KLF8: variants seen among roughly 807,000 people sequenced by gnomAD.
KLF8 encodes Krueppel-like factor 8.
A neutral mutation model predicts 18.2 loss-of-function variants in KLF8; 10 were observed. The ratio of observed to expected loss-of-function variants is 0.55; its 90% CI spans 0.34 to 0.93. The LOEUF is 0.93. Among genes scored for constraint, KLF8 ranks in the 40% least tolerant of loss-of-function variants. KLF8 has a pLI of 0.02. For missense variants in KLF8, 264 were observed against 277.9 expected (o/e 0.95, Z 0.36); for synonymous variants, 109 against 97.3 (o/e 1.12, Z -0.71).
At chrX:55,935,911 G>A in the KLF8 span, among the ~76,000 whole-genome samples, 1 of 111,722 alleles carries the variant, frequency 9.0e-6, no homozygotes, top group Non-Finnish European at 1.9e-5. Flanking sequence ...AGGATGGAGA[G>A]GAATGGGATC....
chrX:56,266,530 C>A, intron 3 of KLF8: 1 of 748,107 alleles, frequency 1.3e-6, no homozygotes, highest in Non-Finnish European at 1.6e-6. Flanking sequence ...GAAAATTTGT[C>A]CAAGAGAGAA....
At chrX:55,944,653 G>A in the KLF8 span, among the ~76,000 whole-genome samples, 5 of 111,278 alleles carry the variant, frequency 4.5e-5, no homozygotes, top group East Asian at 2.8e-4. Flanking sequence ...GGTAGTTTGT[G>A]TTTCTGTGGG....
At chrX:56,061,923 G>A in the KLF8 span, among the ~76,000 whole-genome samples, 2 of 104,405 alleles carry the variant, frequency 1.9e-5, no homozygotes, top group South Asian at 8.3e-4. Context: ...TAATGTTCTT[G>A]GCCTTTTTTG....
the KLF8 span, among the ~76,000 whole-genome samples, chrX:55,944,788 T>G: frequency 7.2e-5 from 8 of 111,304 alleles, no homozygotes; most frequent in African/African-American, 2.0e-4. Flanking sequence ...CCAGCTCCTG[T>G]ATTCATTAAT....
At chrX:55,958,254 A>G in the KLF8 span, among the ~76,000 whole-genome samples, 1 of 112,108 alleles carries the variant, frequency 8.9e-6, no homozygotes, top group Non-Finnish European at 1.9e-5. Context: ...ATTTAAAAGC[A>G]TATTTCATTT....
intron 2 of KLF8, among the ~76,000 whole-genome samples, chrX:56,254,845 TA>T (rs1322196832): frequency 1.8e-5 from 2 of 111,054 alleles, no homozygotes; most frequent in Non-Finnish European, 3.8e-5. Flanking sequence ...GGGCACAGGA[TA>T]GGGGGCAGGG....
At chrX:55,964,627 C>T in the KLF8 span, among the ~76,000 whole-genome samples, 1 of 110,877 alleles carries the variant, frequency 9.0e-6, no homozygotes, top group Non-Finnish European at 1.9e-5. Context: ...AAGTTGGTTT[C>T]TTGAAAGAAT....
the KLF8 span, among the ~76,000 whole-genome samples, chrX:55,994,076 A>G: frequency 9.2e-6 from 1 of 109,204 alleles, no homozygotes; most frequent in Non-Finnish European, 1.9e-5. Context: ...ATGTCCGGCG[A>G]ATTTTTTGTA....
At chrX:56,229,207 G>A (rs1024325153), upstream of KLF8, among the ~76,000 whole-genome samples, 1 of 111,312 alleles carries the variant, frequency 9.0e-6, no homozygotes, top group Non-Finnish European at 1.9e-5. Context: ...GAGGAGAAGC[G>A]GGATGATGAA....
chrX:56,150,908 T>G, the KLF8 span, among the ~76,000 whole-genome samples: 1 of 111,490 alleles, frequency 9.0e-6, no homozygotes, highest in Non-Finnish European at 1.9e-5. Context: ...AAGAAAAATA[T>G]GTTGTTATAA....
chrX:56,020,716 T>C, the KLF8 span, among the ~76,000 whole-genome samples: 2 of 111,690 alleles, frequency 1.8e-5, no homozygotes, highest in African/African-American at 3.3e-5. Context: ...TGTAAATACA[T>C]ATATGCAATA....
chrX:56,136,592 C>G, the KLF8 span, among the ~76,000 whole-genome samples: 10 of 111,419 alleles, frequency 9.0e-5, no homozygotes, highest in African/African-American at 3.3e-4. Flanking sequence ...ACACCTTATA[C>G]AAAAATCAAT....
At chrX:55,966,229 A>G in the KLF8 span, among the ~76,000 whole-genome samples, 7 of 112,692 alleles carry the variant, frequency 6.2e-5, no homozygotes, top group South Asian at 3.6e-4. Context: ...TGGCTTCACC[A>G]TCTGCTAATT....
intron 5 of KLF8, among the ~76,000 whole-genome samples, chrX:56,283,341 A>G (rs1432543885): frequency 9.0e-6 from 1 of 111,492 alleles, no homozygotes; most frequent in Non-Finnish European, 1.9e-5. Context: ...TGAATCACAC[A>G]TTCATCCTGT....
the KLF8 span, among the ~76,000 whole-genome samples, chrX:56,001,844 A>G: frequency 8.9e-6 from 1 of 112,070 alleles, no homozygotes; most frequent in African/African-American, 3.2e-5. Context: ...TGGTTTCTTT[A>G]CTAACCTCCT....
At chrX:55,964,794 A>G in the KLF8 span, among the ~76,000 whole-genome samples, 1 of 111,836 alleles carries the variant, frequency 8.9e-6, no homozygotes, top group South Asian at 3.8e-4. Context: ...TACACAAATT[A>G]GAAAACCTAG....
chrX:56,157,957 T>A, the KLF8 span, among the ~76,000 whole-genome samples: 1 of 112,141 alleles, frequency 8.9e-6, no homozygotes, highest in Non-Finnish European at 1.9e-5. Context: ...AGACATGAAG[T>A]CCTTCCCATG....
At chrX:55,964,094 C>A in the KLF8 span, among the ~76,000 whole-genome samples, 1 of 111,219 alleles carries the variant, frequency 9.0e-6, no homozygotes, top group African/African-American at 3.3e-5. Flanking sequence ...ATACAACATA[C>A]CATAATTTCT....
chrX:56,184,324 G>T, the KLF8 span, among the ~76,000 whole-genome samples: 1 of 112,247 alleles, frequency 8.9e-6, no homozygotes, highest in South Asian at 3.7e-4. Context: ...TGGGGGAAAG[G>T]CACCCGCCAT....
Sources: allele counts gnomAD v4.1 joint callset (sites outside exome capture counted in the v4.1 genomes callset), GRCh38; gene constraint gnomAD v4.1.1; transcripts MANE v1.5; gene names NCBI Gene and HGNC (gene_info 2026-07-23, HGNC 2026-07-21).